RANBP2: variants seen among roughly 807,000 people sequenced by gnomAD.
RANBP2 encodes the protein E3 SUMO-protein ligase RanBP2.
Under a neutral mutation model 303.6 loss-of-function variants are expected in RANBP2, and 57 were observed. The ratio of observed to expected loss-of-function variants is 0.19; its 90% confidence interval spans 0.15 to 0.23. The LOEUF is 0.23. Ranked by LOEUF, RANBP2 falls within the 10% of genes least tolerant of loss-of-function variation. The pLI is 1.00. For synonymous variants in RANBP2, 1,167 were observed against 1,301.5 expected (o/e 0.90, Z 2.23); for missense variants, 3,138 against 3,780.8 (o/e 0.83, Z 4.46).
the RANBP2 span, among the ~76,000 whole-genome samples, chr2:109,275,749 C>T: frequency 6.6e-6 from 1 of 152,182 alleles, no homozygotes; most frequent in Non-Finnish European, 1.5e-5. Flanking sequence ...TCCCGGACAG[C>T]CGCACCTGCT....
chr2:109,307,243 C>T, the RANBP2 span, among the ~76,000 whole-genome samples: 2 of 152,158 alleles, frequency 1.3e-5, no homozygotes, highest in Admixed American at 1.3e-4. Flanking sequence ...GCACATTGGA[C>T]TTGTGTGTAG....
chr2:108,796,060 A>T, the RANBP2 span, among the ~76,000 whole-genome samples: 169 of 152,084 alleles, frequency 1.1e-3, 1 homozygote, highest in African/African-American at 3.8e-3. Context: ...TTATTTATTT[A>T]TTTTTTTGAG....
the RANBP2 span, among the ~76,000 whole-genome samples, chr2:108,985,017 C>A: frequency 8.8e-4 from 134 of 152,154 alleles, 8 homozygotes; most frequent in Non-Finnish European, 5.7e-4. Context: ...ACAGTGCATG[C>A]CCTCTCATTT....
At chr2:109,694,406 C>CTTTTT in the RANBP2 span, among the ~76,000 whole-genome samples, 2 of 137,916 alleles carry the variant, frequency 1.5e-5, no homozygotes, top group Non-Finnish European at 1.6e-5. Context: ...AACTAAACCT[C>CTTTTT]TTTTTTTTTT....
chr2:109,145,784 G>T, the RANBP2 span, among the ~76,000 whole-genome samples: 2 of 152,210 alleles, frequency 1.3e-5, no homozygotes, highest in Non-Finnish European at 1.5e-5. Flanking sequence ...GTATTGGTTT[G>T]TTGGTTGGCA....
the RANBP2 span, chr2:109,574,868 A>T: frequency 3.4e-5 from 26 of 758,442 alleles, no homozygotes; most frequent in Non-Finnish European, 4.9e-5. Context: ...ACTAATTAAT[A>T]AACAGTTAAT....
chr2:108,773,832 A>G (rs1486833046), intron 23 of RANBP2, among the ~76,000 whole-genome samples: 1 of 152,126 alleles, frequency 6.6e-6, no homozygotes, highest in African/African-American at 2.4e-5. Flanking sequence ...TTTTTTTAGT[A>G]GAGACAGGGT....
the RANBP2 span, among the ~76,000 whole-genome samples, chr2:109,488,547 C>A: frequency 6.6e-6 from 1 of 152,218 alleles, no homozygotes; most frequent in African/African-American, 2.4e-5. Flanking sequence ...CCTCCTCACT[C>A]CCTGCCCCCA....
the RANBP2 span, among the ~76,000 whole-genome samples, chr2:108,858,748 A>G: frequency 6.6e-6 from 1 of 151,362 alleles, no homozygotes; most frequent in Non-Finnish European, 1.5e-5. Flanking sequence ...CAGGTGTGTT[A>G]CATGGATTTA....
chr2:109,286,349 G>A, the RANBP2 span, among the ~76,000 whole-genome samples: 1 of 152,226 alleles, frequency 6.6e-6, no homozygotes, highest in Non-Finnish European at 1.5e-5. Context: ...TGCCCACGCA[G>A]TGGTCACTCC....
At chr2:109,720,593 A>G in the RANBP2 span, among the ~76,000 whole-genome samples, 1 of 152,164 alleles carries the variant, frequency 6.6e-6, no homozygotes, top group African/African-American at 2.4e-5. Flanking sequence ...CCCCTACTGA[A>G]GTGCAGGTCT....
At chr2:109,339,068 C>A in the RANBP2 span, among the ~76,000 whole-genome samples, 4 of 152,124 alleles carry the variant, frequency 2.6e-5, no homozygotes, top group Non-Finnish European at 5.9e-5. Context: ...AGTGGATCAT[C>A]ATAAAGGTCT....
chr2:108,884,046 G>A, the RANBP2 span: 2 of 152,286 alleles, frequency 1.3e-5, no homozygotes, highest in Non-Finnish European at 2.9e-5. Context: ...TGGGACTATA[G>A]GCATGCGCCA....
chr2:109,606,672 C>CTTTTTTTT, the RANBP2 span, among the ~76,000 whole-genome samples: 62 of 71,918 alleles, frequency 8.6e-4, 1 homozygote, highest in African/African-American at 9.9e-4. Flanking sequence ...AAATTTTAAG[C>CTTTTTTTT]TTTTTTTTTT....
At chr2:109,623,614 C>T in the RANBP2 span, among the ~76,000 whole-genome samples, 2 of 152,228 alleles carry the variant, frequency 1.3e-5, no homozygotes, top group Admixed American at 1.3e-4. Context: ...TGGAATTTGC[C>T]TAAAAGCTAT....
At chr2:109,186,366 T>C in the RANBP2 span, among the ~76,000 whole-genome samples, 1 of 152,188 alleles carries the variant, frequency 6.6e-6, no homozygotes, top group African/African-American at 2.4e-5. Flanking sequence ...AAGTTGAGTA[T>C]CTTGTGTGAG....
At chr2:108,761,768 G>C (rs1676746117) in intron 18 of RANBP2, among the ~76,000 whole-genome samples, 1 of 152,058 alleles carries the variant, frequency 6.6e-6, no homozygotes. Context: ...TTCTGTGACT[G>C]AATGTCCATA....
the RANBP2 span, among the ~76,000 whole-genome samples, chr2:109,314,933 G>A: frequency 1.3e-3 from 205 of 152,264 alleles, no homozygotes; most frequent in African/African-American, 4.3e-3. Context: ...TCGTCTCCCC[G>A]TATGAATCTC....
the RANBP2 span, among the ~76,000 whole-genome samples, chr2:108,957,656 C>A: frequency 3.3e-5 from 5 of 152,232 alleles, no homozygotes; most frequent in African/African-American, 7.2e-5. Flanking sequence ...ATAATTGATG[C>A]GGCCTTACAA....
Sources: allele counts gnomAD v4.1 joint callset (sites outside exome capture counted in the v4.1 genomes callset), GRCh38; gene constraint gnomAD v4.1.1; transcripts MANE v1.5; gene names NCBI Gene and HGNC (gene_info 2026-07-23, HGNC 2026-07-21).